Variants in ATL1 observed in about 807,000 individuals in gnomAD.
ATL1 encodes the protein atlastin-1.
In ATL1, 31 loss-of-function variants were observed where a neutral mutation model predicts 75.5. The ratio of observed to expected loss-of-function variants is 0.41; its 90% CI spans 0.31 to 0.55. The LOEUF (loss-of-function observed/expected upper bound fraction) is 0.55. Among genes scored for constraint, ATL1 ranks in the 20% least tolerant of loss-of-function variants. The probability of loss-of-function intolerance (pLI) is 0.27; values close to 1 mark genes in which losing one functional copy is unlikely to be tolerated. For synonymous variants in ATL1, 226 were observed against 233.3 expected, an observed-to-expected ratio of 0.97 and a Z score of 0.28; for missense variants, 405 against 662.6, an observed-to-expected ratio of 0.61 and a Z score of 4.27.
At chr14:50,589,445 A>G (rs1269023851) in intron 2 of ATL1, among the ~76,000 whole-genome samples, 1 of 152,142 alleles carries the variant, frequency 6.6e-6, no homozygotes, top group Non-Finnish European at 1.5e-5. Flanking sequence ...GACATGAGCC[A>G]CCATGCCCAG....
intron 1 of ATL1, among the ~76,000 whole-genome samples, chr14:50,576,767 G>A (rs1173262305): frequency 6.6e-6 from 1 of 152,084 alleles, no homozygotes; most frequent in South Asian, 2.1e-4. Flanking sequence ...TGGAGAGATG[G>A]CACCTTGCTG....
chr14:50,614,361 G>T lies in ATL1; in HGVS notation c.724-12G>T. 6.2e-7 allele frequency: 1 copy of T among 1,613,776 alleles called. No individual in the cohort carries two copies. On this transcript the variant is annotated splice_polypyrimidine_tract_variant and intron_variant, in intron 7 of 13. Transcript: ENST00000358385. ...ATGAAAGTAGTTTAAACTTCAGAAT[G>T]ATTTACTGCAGGTCTCAGGGAACCA...
intron 6 of ATL1, among the ~76,000 whole-genome samples, chr14:50,610,352 C>A (rs1261222434): frequency 6.6e-6 from 1 of 151,992 alleles, no homozygotes; most frequent in East Asian, 1.9e-4. Context: ...TGATAATTGA[C>A]AAGGTTTTGA....
chr14:50,561,679 T>G (rs1426432434), intron 1 of ATL1, among the ~76,000 whole-genome samples: 3 of 152,118 alleles, frequency 2.0e-5, no homozygotes, highest in Non-Finnish European at 2.9e-5. Context: ...GCATGGAGAG[T>G]TGGAGCGGGG....
In ATL1 at chr14:50,594,929, G is replaced by T. The variant is rs185691472; in HGVS notation, c.574-647G>T. On this transcript the variant is annotated intron_variant, in intron 5 of 13. Coordinates refer to ENST00000358385, the MANE Select transcript of ATL1 (RefSeq NM_015915.5). ...TAGGAGGATCACTTGAGCCAGGGAG[G>T]TCAAGGCTGCAGTGAGCAGAGATCA... Among the ~76,000 whole-genome samples, 6 of 149,656 alleles carry T rather than the reference G, an allele frequency of 4.0e-5. No individual in the cohort carries two copies. The East Asian group carries it at 1.2e-3, about 29-fold the overall frequency.
At chr14:50,586,624 A>C (rs79940361) in intron 1 of ATL1, among the ~76,000 whole-genome samples, 2,155 of 152,210 alleles carry the variant, frequency 0.014, 40 homozygotes, top group African/African-American at 0.049. Context: ...GTATGTATAG[A>C]CTTTCTGTTC....
At chr14:50,539,307 A>G (rs886521893) in intron 1 of ATL1, among the ~76,000 whole-genome samples, 1 of 152,254 alleles carries the variant, frequency 6.6e-6, no homozygotes, top group African/African-American at 2.4e-5. Context: ...AGTGAGGTTT[A>G]CTAAAATTAT....
At chr14:50,571,031 G>C (rs753488212) in intron 1 of ATL1, among the ~76,000 whole-genome samples, 2 of 152,088 alleles carry the variant, frequency 1.3e-5, no homozygotes, top group Non-Finnish European at 2.9e-5. Context: ...TTTAGTGTCT[G>C]GTTTTCAAAA....
chr14:50,612,158 A>C (rs535939181), intron 6 of ATL1, among the ~76,000 whole-genome samples: 1 of 152,290 alleles, frequency 6.6e-6, no homozygotes, highest in South Asian at 2.1e-4. Flanking sequence ...AGAATATATC[A>C]TGTATCATGT....
At chr14:50,609,892 T>G (rs1039540168) in intron 6 of ATL1, among the ~76,000 whole-genome samples, 2 of 152,060 alleles carry the variant, frequency 1.3e-5, no homozygotes, top group African/African-American at 4.8e-5. Context: ...TTTTCTGGAT[T>G]TTTTTTGTTC....
chr14:50,563,558 G>A (rs1469186884), intron 1 of ATL1, among the ~76,000 whole-genome samples: 2 of 152,172 alleles, frequency 1.3e-5, no homozygotes, highest in Non-Finnish European at 2.9e-5. Context: ...TCCAAGAAAA[G>A]GGCAAGGAAG....
intron 1 of ATL1, among the ~76,000 whole-genome samples, chr14:50,549,980 A>G (rs1009264952): frequency 6.6e-5 from 10 of 152,244 alleles, no homozygotes; most frequent in Non-Finnish European, 2.9e-5. Flanking sequence ...AGCAGAAGCC[A>G]TACTGTGCTC....
chr14:50,613,015 GT>G (rs1388392884), intron 6 of ATL1, among the ~76,000 whole-genome samples: 2 of 152,114 alleles, frequency 1.3e-5, no homozygotes, highest in African/African-American at 4.8e-5. Context: ...TCATCTCTCA[GT>G]GGGGTGCGTT....
At chr14:50,582,849 A>G (rs768840072) in intron 1 of ATL1, among the ~76,000 whole-genome samples, 1 of 152,222 alleles carries the variant, frequency 6.6e-6, no homozygotes, top group Admixed American at 6.5e-5. Context: ...ACAAAATCTT[A>G]GCAAACTGAA....
At chr14:50,627,948 T>C in intron 11 of ATL1, 83 bp from the exon 12 acceptor site, 2 of 1,342,836 alleles carry the variant, frequency 1.5e-6, no homozygotes, top group Non-Finnish European at 2.1e-6. Context: ...TCTAACAAAC[T>C]CAACTAGCTA....
intron 6 of ATL1, among the ~76,000 whole-genome samples, chr14:50,597,038 C>T (rs1255989126): frequency 6.6e-6 from 1 of 151,574 alleles, no homozygotes; most frequent in African/African-American, 2.4e-5. Flanking sequence ...GGTGAAACCC[C>T]GTCTCTACTA....
chr14:50,543,490 A>G (rs1207315571), intron 1 of ATL1, among the ~76,000 whole-genome samples: 1 of 152,236 alleles, frequency 6.6e-6, no homozygotes, highest in African/African-American at 2.4e-5. Context: ...ATCACCATGT[A>G]TCACAAATAT....
intron 1 of ATL1, among the ~76,000 whole-genome samples, chr14:50,574,937 G>GTGTACATATA (rs1475087119): frequency 2.6e-4 from 6 of 23,156 alleles, no homozygotes; most frequent in African/African-American, 1.1e-3. Flanking sequence ...GTGTGTGTGT[G>GTGTACATATA]TATATATATA....
In ATL1 at chr14:50,618,891, ATT is replaced by A. The variant is rs67681265; in HGVS notation, c.863-1700_863-1699del. On this transcript the variant is annotated intron_variant, in intron 8 of 13. Transcript: ENST00000358385. ...TGTGTGTGTGTGTATATATATATATATTTTTTTTTCTTTCTTTGAGACAGGGT... is the reference window on the plus strand; with the variant it reads ...TGTGTGTGTGTGTATATATATATATATTTTTTTCTTTCTTTGAGACAGGGT... 5.2e-3 allele frequency among the ~76,000 whole-genome samples: 494 copies of A among 95,650 alleles called. 1 individual carries two copies. The highest frequency in any genetic ancestry group is 8.4e-3 in the African/African-American group (198 of 23,646). 62.8% of individuals were successfully genotyped at this position (95,650 alleles called of 152,430 possible). A position where few individuals can be genotyped will look rare whatever the true frequency, so the allele number is the denominator to read the frequency against.
Sources: gnomAD v4.1 joint callset for allele counts (sites outside exome capture counted in the v4.1 genomes callset) on GRCh38, gnomAD v4.1.1 for gene constraint, MANE v1.5 for transcripts, NCBI Gene and HGNC (gene_info 2026-07-23, HGNC 2026-07-21) for gene names.